The following GRM5 variants were observed in gnomAD, a reference collection of about 807,000 sequenced individuals.
The protein encoded by GRM5 is metabotropic glutamate receptor 5.
Under a neutral mutation model 83.1 loss-of-function variants are expected in GRM5, and 19 were observed. The ratio of observed to expected loss-of-function variants is 0.23; its 90% CI spans 0.16 to 0.34. GRM5 has a LOEUF of 0.34. Ranked by LOEUF, GRM5 falls within the 10% of genes least tolerant of loss-of-function variation. The probability of loss-of-function intolerance (pLI) is 1.00; values close to 1 mark genes in which losing one functional copy is unlikely to be tolerated. For synonymous variants in GRM5, 675 were observed against 633.6 expected (o/e 1.07, Z -0.98); for missense variants, 1,160 against 1,588.3 (o/e 0.73, Z 4.58).
At chr11:88,732,721 T>A (rs1353824257) in intron 3 of GRM5, among the ~76,000 whole-genome samples, 2 of 152,036 alleles carry the variant, frequency 1.3e-5, no homozygotes, top group Non-Finnish European at 2.9e-5. Flanking sequence ...GATTAAGGGT[T>A]AGTGGAGTGA....
intron 2 of GRM5, among the ~76,000 whole-genome samples, chr11:89,040,271 C>T (rs1941498554): frequency 6.6e-6 from 1 of 151,634 alleles, no homozygotes; most frequent in African/African-American, 2.4e-5. Flanking sequence ...TCCAAGATAG[C>T]ATTAATGTAA....
At chr11:88,553,679 C>T (rs570088315) in intron 8 of GRM5, among the ~76,000 whole-genome samples, 1 of 152,282 alleles carries the variant, frequency 6.6e-6, no homozygotes, top group South Asian at 2.1e-4. Flanking sequence ...AACTTGCTCT[C>T]ATTTTCACAC....
chr11:88,628,257 T>C (rs2135267465), intron 4 of GRM5, among the ~76,000 whole-genome samples: 1 of 152,316 alleles, frequency 6.6e-6, no homozygotes, highest in South Asian at 2.1e-4. Context: ...TTGAAGGTAT[T>C]CCCAGATAAA....
chr11:88,606,286 G>A (rs1260507860), intron 4 of GRM5, among the ~76,000 whole-genome samples: 2 of 152,200 alleles, frequency 1.3e-5, no homozygotes, highest in East Asian at 1.9e-4. Flanking sequence ...ACTTTAGGAG[G>A]CTGAGGCGAG....
intron 1 of GRM5, among the ~76,000 whole-genome samples, chr11:89,052,992 C>T (rs1394490270): frequency 1.3e-5 from 2 of 152,028 alleles, no homozygotes; most frequent in African/African-American, 2.4e-5. Context: ...CTTTATAACA[C>T]ATTGTTTTAA....
intron 6 of GRM5, among the ~76,000 whole-genome samples, chr11:88,593,689 A>G (rs1234312845): frequency 1.4e-5 from 2 of 147,472 alleles, no homozygotes; most frequent in African/African-American, 2.5e-5. Context: ...AAAAAAAAAC[A>G]AAAAATTCTG....
At chr11:88,577,316 T>C (rs528102952) in intron 7 of GRM5, among the ~76,000 whole-genome samples, 2 of 152,264 alleles carry the variant, frequency 1.3e-5, no homozygotes, top group African/African-American at 4.8e-5. Context: ...CAAATGCTCA[T>C]GTTTATTACA....
chr11:88,636,162 T>A (rs922079698), intron 4 of GRM5, among the ~76,000 whole-genome samples: 1 of 152,188 alleles, frequency 6.6e-6, no homozygotes, highest in Admixed American at 6.5e-5. Flanking sequence ...CTAGAACCTA[T>A]AGAATTGAAA....
intron 7 of GRM5, among the ~76,000 whole-genome samples, chr11:88,573,207 G>A: frequency 6.6e-6 from 1 of 152,110 alleles, no homozygotes; most frequent in Admixed American, 6.6e-5. Flanking sequence ...AAGAGGGAAA[G>A]TGAGCTGCCA....
intron 3 of GRM5, among the ~76,000 whole-genome samples, chr11:88,826,868 C>T (rs993103152): frequency 3.3e-5 from 5 of 152,074 alleles, no homozygotes; most frequent in African/African-American, 1.2e-4. Context: ...AATTGTTTTG[C>T]TACATAATCC....
At chr11:88,598,565 C>A (rs1937886030) in intron 5 of GRM5, among the ~76,000 whole-genome samples, 2 of 151,878 alleles carry the variant, frequency 1.3e-5, no homozygotes, top group Admixed American at 6.6e-5. Context: ...TCAAAAATAC[C>A]AATTTATAGG....
At chr11:88,910,794 A>T (rs1164739575) in intron 2 of GRM5, among the ~76,000 whole-genome samples, 2 of 152,058 alleles carry the variant, frequency 1.3e-5, no homozygotes, top group Non-Finnish European at 2.9e-5. Context: ...TCACGTCAAT[A>T]TATAGCCATA....
chr11:88,805,553 T>C (rs551016130), intron 3 of GRM5, among the ~76,000 whole-genome samples: 215 of 149,530 alleles, frequency 1.4e-3, no homozygotes, highest in African/African-American at 5.2e-3. Flanking sequence ...TTCCAAAAAA[T>C]AGAGCAGTTT....
chr11:88,728,126 C>A (rs537250575), intron 3 of GRM5, among the ~76,000 whole-genome samples: 1 of 151,506 alleles, frequency 6.6e-6, no homozygotes, highest in Non-Finnish European at 1.5e-5. Context: ...TAGACCACTA[C>A]CCAGACTAAT....
chr11:88,591,962 T>A (rs1937649302), intron 6 of GRM5, among the ~76,000 whole-genome samples: 1 of 152,226 alleles, frequency 6.6e-6, no homozygotes, highest in South Asian at 2.1e-4. Context: ...TTTTTTCATT[T>A]TCTTAGGGGA....
At chr11:88,634,136 T>C (rs979191257) in intron 4 of GRM5, among the ~76,000 whole-genome samples, 5 of 152,150 alleles carry the variant, frequency 3.3e-5, no homozygotes, top group African/African-American at 1.2e-4. Flanking sequence ...TATAGGATAT[T>C]TACAATGAAT....
chr11:88,787,157 G>C (rs1022893576), intron 3 of GRM5, among the ~76,000 whole-genome samples: 1 of 150,890 alleles, frequency 6.6e-6, no homozygotes, highest in East Asian at 2.1e-4. Context: ...GTGTGTGTGT[G>C]TGTGTGTGTG....
At position 89,009,923 on chromosome 11, in the gene GRM5, A is replaced by AC. The variant is rs1565333918; in HGVS notation, c.661+37288_661+37289insG. 1.1e-4 allele frequency among the ~76,000 whole-genome samples: 16 copies of AC among 140,800 alleles called. 2 individuals are homozygous for AC. Among genetic ancestry groups the AC allele is most frequent in the African/African-American group, 3.5e-4 (13 of 36,930 alleles). The allele number at this position is 140,800 out of a possible 152,430, so 92.4% of individuals were successfully genotyped here. A position where few individuals can be genotyped will look rare whatever the true frequency, so the allele number is the denominator to read the frequency against. ...CTCAAAAAAAAAAAAAAAAAAAAAA[A>AC]AAAAAAACACACACAAAATCAAAAT... On this transcript the variant is annotated intron_variant, in intron 2 of 9. Transcript: ENST00000305447.
chr11:89,023,881 AT>A (rs1941057327), intron 2 of GRM5, among the ~76,000 whole-genome samples: 3 of 144,814 alleles, frequency 2.1e-5, no homozygotes, highest in South Asian at 2.1e-4. Flanking sequence ...AAATAAATAA[AT>A]AAATAAATAA....
Sources: allele counts gnomAD v4.1 joint callset (sites outside exome capture counted in the v4.1 genomes callset), GRCh38; gene constraint gnomAD v4.1.1; transcripts MANE v1.5; gene names NCBI Gene and HGNC (gene_info 2026-07-23, HGNC 2026-07-21).